DACH2: variants seen among roughly 807,000 people sequenced by gnomAD.
DACH2 encodes dachshund family transcription factor 2, also known as dachshund homolog 2.
DACH2 carries 17 observed loss-of-function variants against 35.8 expected under a neutral mutation model. That is an observed-to-expected ratio of 0.48 (90% CI 0.33 to 0.71). The LOEUF (loss-of-function observed/expected upper bound fraction) is 0.71, where lower values mean the gene tolerates loss of function less well. DACH2 is among the 30% of genes least tolerant of loss of function. DACH2 has a pLI of 0.02. For synonymous variants in DACH2, 195 were observed against 177.3 expected (o/e 1.10, Z -0.79); for missense variants, 469 against 472.7 (o/e 0.99, Z 0.07).
intron 4 of DACH2, among the ~76,000 whole-genome samples, chrX:86,688,407 A>C (rs373009475): frequency 8.9e-6 from 1 of 111,940 alleles, no homozygotes; most frequent in Admixed American, 9.5e-5. Flanking sequence ...ATGAGGGTTC[A>C]AACAAAGGCA....
At chrX:86,375,515 C>G (rs1050669709) in intron 1 of DACH2, among the ~76,000 whole-genome samples, 2 of 105,100 alleles carry the variant, frequency 1.9e-5, no homozygotes, top group Non-Finnish European at 2.0e-5. Flanking sequence ...GCCCTCAAAT[C>G]CAGTCATATA....
intron 7 of DACH2, among the ~76,000 whole-genome samples, chrX:86,773,751 C>T (rs1038776900): frequency 9.0e-6 from 1 of 111,502 alleles, no homozygotes; most frequent in African/African-American, 3.3e-5. Context: ...ACTTCAAATT[C>T]GCAATCCATC....
chrX:86,734,828 T>C (rs745540147), intron 6 of DACH2, among the ~76,000 whole-genome samples: 2 of 111,881 alleles, frequency 1.8e-5, no homozygotes, highest in South Asian at 7.4e-4. Context: ...GTCTTTCAAG[T>C]TACAGTCTGT....
In DACH2 at chrX:86,707,912, T is replaced by TAA. The variant is rs56293403; in HGVS notation, c.932-6619_932-6618dup. On this transcript the variant is annotated intron_variant, in intron 5 of 11. Transcript: ENST00000373125. ...CCTGGTGACAGAGTAAGACTCCATC[T>TAA]AAAAAAAAAAAAAAAAAATTACACA... Among the ~76,000 whole-genome samples the TAA allele has an allele frequency of 1.1e-3, 38 of 34,562 alleles. 5 individuals are homozygous for TAA. The highest frequency in any genetic ancestry group is 0.011 in the Admixed American group (19 of 1,808). 30.0% of individuals were successfully genotyped at this position (34,562 alleles called of 115,157 possible). A position where few individuals can be genotyped will look rare whatever the true frequency, so the allele number is the denominator to read the frequency against.
intron 3 of DACH2, among the ~76,000 whole-genome samples, chrX:86,539,074 C>T (rs771219785): frequency 9.0e-6 from 1 of 111,043 alleles, no homozygotes; most frequent in African/African-American, 3.3e-5. Context: ...GTGTCCCCAC[C>T]CAAATCTCAT....
chrX:86,160,474 A>G (rs2030714002), intron 1 of DACH2: 1 of 534,777 alleles, frequency 1.9e-6, no homozygotes, highest in East Asian at 3.4e-5. Flanking sequence ...TCTTACCAGA[A>G]CGGTGATCAA....
chrX:86,702,888 T>C (rs938613532), intron 5 of DACH2, among the ~76,000 whole-genome samples: 2 of 111,193 alleles, frequency 1.8e-5, no homozygotes, highest in Admixed American at 9.6e-5. Flanking sequence ...TTCCAAAATA[T>C]TGAGAATGAA....
chrX:86,220,307 G>A (rs1374700389), intron 1 of DACH2, among the ~76,000 whole-genome samples: 1 of 111,188 alleles, frequency 9.0e-6, no homozygotes, highest in Admixed American at 9.6e-5. Flanking sequence ...GGCACTATGT[G>A]GTACAACAGA....
At chrX:86,194,499 A>C (rs1214341138) in intron 1 of DACH2, among the ~76,000 whole-genome samples, 1 of 111,834 alleles carries the variant, frequency 8.9e-6, no homozygotes, top group African/African-American at 3.3e-5. Context: ...TGAAGGGGAA[A>C]CAACCTGGAA....
At chrX:86,625,527 T>C (rs111670227) in intron 3 of DACH2, among the ~76,000 whole-genome samples, 3 of 110,887 alleles carry the variant, frequency 2.7e-5, no homozygotes, top group African/African-American at 9.8e-5. Context: ...TTATGCCTAT[T>C]GTATATTTTC....
chrX:86,793,743 A>T (rs1314044093), intron 7 of DACH2, among the ~76,000 whole-genome samples: 2 of 112,419 alleles, frequency 1.8e-5, no homozygotes, highest in East Asian at 5.6e-4. Flanking sequence ...CACGTAAAGC[A>T]CATTGAGCAT....
At chrX:86,335,140 C>G (rs1386199999) in intron 1 of DACH2, among the ~76,000 whole-genome samples, 1 of 111,818 alleles carries the variant, frequency 8.9e-6, no homozygotes, top group Admixed American at 9.5e-5. Context: ...GTACCAGTAC[C>G]ATGCTGTTTT....
rs1428313564 is a variant in DACH2, at chrX:86,824,550, G to T, written c.1751-7556G>T. On this transcript the variant is annotated intron_variant, in intron 11 of 11. Coordinates refer to ENST00000373125, the MANE Select transcript of DACH2 (RefSeq NM_053281.3). ...GCTTATGAAGATAACAGGATTAAGA[G>T]ATTAAAGTAAGACAGGGGTAAGAAA... Among the ~76,000 whole-genome samples, 4 of 111,918 alleles carry T rather than the reference G, an allele frequency of 3.6e-5. No individual in the cohort carries two copies. In the Admixed American group the frequency reaches 3.8e-4, roughly 11 times the overall value.
At chrX:86,192,862 G>A (rs1348774787) in intron 1 of DACH2, among the ~76,000 whole-genome samples, 4 of 112,116 alleles carry the variant, frequency 3.6e-5, no homozygotes, top group African/African-American at 1.3e-4. Flanking sequence ...AGAAAAGGAA[G>A]GGATGTCATC....
At chrX:86,372,141 G>A (rs1254981532) in intron 1 of DACH2, among the ~76,000 whole-genome samples, 1 of 111,106 alleles carries the variant, frequency 9.0e-6, no homozygotes, top group Non-Finnish European at 1.9e-5. Flanking sequence ...GTATCTGTGA[G>A]CGTAATCAGA....
chrX:86,679,612 GTC>G (rs796939081), intron 4 of DACH2, among the ~76,000 whole-genome samples: 1 of 83,541 alleles, frequency 1.2e-5, no homozygotes, highest in South Asian at 5.4e-4. Context: ...CTCTCTCTCT[GTC>G]TCTGTGTGTG....
chrX:86,393,723 A>G (rs1258260902), intron 2 of DACH2, among the ~76,000 whole-genome samples: 1 of 111,292 alleles, frequency 9.0e-6, no homozygotes, highest in Non-Finnish European at 1.9e-5. Flanking sequence ...TTACTTGGTG[A>G]TGCCTATAAG....
chrX:86,422,559 T>C (rs185796242), intron 2 of DACH2, among the ~76,000 whole-genome samples: 8 of 110,302 alleles, frequency 7.3e-5, no homozygotes, highest in Admixed American at 6.8e-4. Flanking sequence ...TGATAGTAGG[T>C]GTATATATTT....
At chrX:86,629,871 T>C (rs1225526466) in intron 3 of DACH2, among the ~76,000 whole-genome samples, 2 of 111,127 alleles carry the variant, frequency 1.8e-5, no homozygotes, top group African/African-American at 6.6e-5. Context: ...CGAGACCCTG[T>C]CTCAAAAATA....
Sources: gnomAD v4.1 joint callset for allele counts (sites outside exome capture counted in the v4.1 genomes callset) on GRCh38, gnomAD v4.1.1 for gene constraint, MANE v1.5 for transcripts, NCBI Gene and HGNC (gene_info 2026-07-23, HGNC 2026-07-21) for gene names.